The following RPS6KA2 variants were observed in gnomAD, a reference collection of about 807,000 sequenced individuals.
RPS6KA2 encodes the protein ribosomal protein S6 kinase A2, also known as ribosomal protein S6 kinase alpha-2.
RPS6KA2 carries 42 observed loss-of-function variants against 91.8 expected under a neutral mutation model. The ratio of observed to expected loss-of-function variants is 0.46; its 90% CI spans 0.36 to 0.59. RPS6KA2 has a LOEUF of 0.59. RPS6KA2 is among the 20% of genes least tolerant of loss of function. The probability of loss-of-function intolerance (pLI) is 0.00; values close to 1 mark genes in which losing one functional copy is unlikely to be tolerated. For missense variants in RPS6KA2, 798 were observed against 978.5 expected, an observed-to-expected ratio of 0.82 and a Z score of 2.46; for synonymous variants, 414 against 393.6, an observed-to-expected ratio of 1.05 and a Z score of -0.61.
chr6:166,586,148 G>A, intron 1 of RPS6KA2: 17 of 1,545,458 alleles, frequency 1.1e-5, no homozygotes, highest in Non-Finnish European at 1.4e-5. Flanking sequence ...GAGGCCGCTG[G>A]TTGTAACCAT....
chr6:166,647,105 C>T (rs1339810125), intron 2 of RPS6KA2, among the ~76,000 whole-genome samples: 2 of 152,178 alleles, frequency 1.3e-5, no homozygotes, highest in African/African-American at 2.4e-5. Flanking sequence ...TGCCAGAAAT[C>T]GTTCTGAGTC....
rs1168473931 is a variant in RPS6KA2, at chr6:166,448,649, T to C, written c.1332+75A>G. On this transcript the variant is annotated intron_variant, in intron 14 of 20. Coordinates refer to ENST00000265678, the MANE Select transcript of RPS6KA2 (RefSeq NM_021135.6). The surrounding 1 kb of genome is among the most constrained non-coding windows in gnomAD (Gnocchi z 4.7). ...GGCCCTGCTATGCTCCTATGCTCCG[T>C]GCTCCCACATACCACACGTGCTCCC... 4.6e-6 allele frequency: 7 copies of C among 1,510,004 alleles called. No individual in the cohort carries two copies. The Admixed American group carries it at 1.4e-4, about 30-fold the overall frequency. The allele number at this position is 1,510,004 out of a possible 1,614,324, so 93.5% of individuals were successfully genotyped here. A position where few individuals can be genotyped will look rare whatever the true frequency, so the allele number is the denominator to read the frequency against.
intron 2 of RPS6KA2, among the ~76,000 whole-genome samples, chr6:166,669,855 G>A (rs1788421957): frequency 6.6e-6 from 1 of 152,220 alleles, no homozygotes; most frequent in Non-Finnish European, 1.5e-5. Context: ...GGGCCTATGG[G>A]GAGACCTACT....
intron 2 of RPS6KA2, among the ~76,000 whole-genome samples, chr6:166,764,508 C>A (rs1778255567): frequency 6.6e-6 from 1 of 152,064 alleles, no homozygotes; most frequent in African/African-American, 2.4e-5. Context: ...GAAATCCAGC[C>A]ACAGTGAGAA....
chr6:166,778,586 C>T (rs951764641), intron 2 of RPS6KA2, among the ~76,000 whole-genome samples: 3 of 152,070 alleles, frequency 2.0e-5, no homozygotes, highest in Non-Finnish European at 4.4e-5. Flanking sequence ...GCCAACACGG[C>T]GAAACCCCGT....
At chr6:166,525,077 A>G (rs1782980112) in intron 3 of RPS6KA2, among the ~76,000 whole-genome samples, 1 of 152,182 alleles carries the variant, frequency 6.6e-6, no homozygotes, top group South Asian at 2.1e-4. Context: ...GCTCCATACA[A>G]TACAGCCCAT....
intron 2 of RPS6KA2, among the ~76,000 whole-genome samples, chr6:166,840,907 G>A (rs1394559183): frequency 2.0e-5 from 3 of 151,988 alleles, no homozygotes; most frequent in Non-Finnish European, 4.4e-5. Context: ...AGGTTGCGGT[G>A]AGCTGAGATC....
At chr6:166,521,721 G>A (rs982981871) in intron 3 of RPS6KA2, among the ~76,000 whole-genome samples, 1 of 152,176 alleles carries the variant, frequency 6.6e-6, no homozygotes, top group Non-Finnish European at 1.5e-5. Flanking sequence ...ATGAGATGTT[G>A]GGCTTTAGAC....
chr6:166,619,307 G>T (rs770635270), intron 1 of RPS6KA2, among the ~76,000 whole-genome samples: 2 of 152,270 alleles, frequency 1.3e-5, no homozygotes, highest in Non-Finnish European at 2.9e-5. Flanking sequence ...AGTCCCTGAA[G>T]TGATGAGAAA....
Position 166,683,498 on chromosome 6 carries a change from T to C in RPS6KA2, c.124-144714A>G, listed in dbSNP as rs548754973. Among the ~76,000 whole-genome samples the C allele has an allele frequency of 7.9e-5, 12 of 152,378 alleles. No homozygotes were observed. In the East Asian group the frequency reaches 2.3e-3, roughly 29 times the overall value. On this transcript the variant is annotated intron_variant, in intron 2 of 21. Transcript: ENST00000503859. ...CATTAGTTTAAATTATGATTTTAAATTACTTTATTAGTTACTTGTGTGGCC... is the reference window on the plus strand; with the variant it reads ...CATTAGTTTAAATTATGATTTTAAACTACTTTATTAGTTACTTGTGTGGCC...
chr6:166,431,062 G>A (rs1429565400), intron 15 of RPS6KA2, among the ~76,000 whole-genome samples: 1 of 152,082 alleles, frequency 6.6e-6, no homozygotes, highest in African/African-American at 2.4e-5. Flanking sequence ...CGAGTAGCTG[G>A]GATTATAGGT....
In RPS6KA2 at chr6:166,662,739, T is replaced by C. The variant is rs955050306; in HGVS notation, c.124-123955A>G. 6.6e-5 allele frequency among the ~76,000 whole-genome samples: 10 copies of C among 152,296 alleles called. No individual in the cohort carries two copies. Among genetic ancestry groups the C allele is most frequent in the African/African-American group, 2.4e-4 (10 of 41,552 alleles). Reference sequence around the variant, plus strand: ...ATTAACTATTATGGACTGAATTGTGTGCTCTCCAAATTCATATGTTGAAGT... The same window carrying C: ...ATTAACTATTATGGACTGAATTGTGCGCTCTCCAAATTCATATGTTGAAGT... On this transcript the variant is annotated intron_variant, in intron 2 of 21. Coordinates refer to the RPS6KA2 transcript ENST00000503859. This position sits in a 1 kb window ranked among gnomAD's most constrained non-coding sequence, Gnocchi z 4.3.
chr6:166,845,865 C>A (rs986928529), intron 2 of RPS6KA2, among the ~76,000 whole-genome samples: 8 of 151,872 alleles, frequency 5.3e-5, no homozygotes, highest in Non-Finnish European at 1.0e-4. Flanking sequence ...AAGATCAGAG[C>A]AGACCTAAAT....
intron 19 of RPS6KA2, among the ~76,000 whole-genome samples, chr6:166,417,649 A>ACACACACG (rs980071241): frequency 4.8e-4 from 71 of 147,996 alleles, no homozygotes; most frequent in African/African-American, 1.6e-3. Context: ...ACACACACAC[A>ACACACACG]CACGCACGCA....
chr6:166,488,549 T>A (rs984732894), intron 10 of RPS6KA2, among the ~76,000 whole-genome samples: 3 of 152,234 alleles, frequency 2.0e-5, no homozygotes, highest in Non-Finnish European at 4.4e-5. Flanking sequence ...CTCAGGGAAG[T>A]CAGATTGGTT....
At chr6:166,609,169 T>G (rs2128531670) in intron 1 of RPS6KA2, among the ~76,000 whole-genome samples, 1 of 152,342 alleles carries the variant, frequency 6.6e-6, no homozygotes, top group South Asian at 2.1e-4. Flanking sequence ...TTTAGACTTC[T>G]GGTTTTCAAA....
rs532846172 is a variant in RPS6KA2 at position 166,648,722 on chromosome 6, A to G, written c.124-109938T>C. On this transcript the variant is annotated intron_variant, in intron 2 of 21. Transcript: ENST00000503859. This position sits in a 1 kb window ranked among gnomAD's most constrained non-coding sequence, Gnocchi z 4.8. Reference sequence around the variant, plus strand: ...CCATCTGCGCATCACTCCGATCTGTATTACAGTGATTACTCCGGCGTCTGC... The same window carrying G: ...CCATCTGCGCATCACTCCGATCTGTGTTACAGTGATTACTCCGGCGTCTGC... Among the ~76,000 whole-genome samples, 18 of 152,156 alleles carry G rather than the reference A, an allele frequency of 1.2e-4. No homozygotes were observed. The East Asian group carries it at 3.3e-3, about 28-fold the overall frequency.
At chr6:166,465,578 C>T (rs947870957) in intron 11 of RPS6KA2, among the ~76,000 whole-genome samples, 7 of 152,226 alleles carry the variant, frequency 4.6e-5, no homozygotes, top group African/African-American at 7.2e-5. Context: ...CTGCAGTTTA[C>T]GCGGTGTCCT....
intron 1 of RPS6KA2, among the ~76,000 whole-genome samples, chr6:166,550,926 G>T (rs1197253294): frequency 1.4e-5 from 2 of 147,762 alleles, no homozygotes; most frequent in South Asian, 4.3e-4. Context: ...GCTTGAACCT[G>T]GGAGGCGGAG....
Sources: gnomAD v4.1 joint callset for allele counts (sites outside exome capture counted in the v4.1 genomes callset) on GRCh38, gnomAD v4.1.1 for gene constraint, Gnocchi (gnomAD v3.1) non-coding constraint, MANE v1.5 for transcripts, NCBI Gene and HGNC (gene_info 2026-07-23, HGNC 2026-07-21) for gene names.